The following DOK6 variants were observed in gnomAD, a reference collection of about 807,000 sequenced individuals.
DOK6 encodes docking protein 6.
DOK6 carries 22 observed loss-of-function variants against 44.0 expected under a neutral mutation model. The observed-to-expected ratio is 0.50, with a 90% CI of 0.36 to 0.71. The LOEUF is 0.71. Ranked by LOEUF, DOK6 falls within the 30% of genes least tolerant of loss-of-function variation. DOK6 has a pLI of 0.00. For missense variants in DOK6, 340 were observed against 416.4 expected (o/e 0.82, Z 1.60); for synonymous variants, 166 against 145.5 (o/e 1.14, Z -1.01).
intron 1 of DOK6, among the ~76,000 whole-genome samples, chr18:69,464,708 G>A (rs911478133): frequency 6.6e-6 from 1 of 152,174 alleles, no homozygotes; most frequent in African/African-American, 2.4e-5. Context: ...TGCGCTAATT[G>A]TGAAGAAAGT....
chr18:69,625,356 G>A (rs1194546046), intron 3 of DOK6, among the ~76,000 whole-genome samples: 1 of 152,126 alleles, frequency 6.6e-6, no homozygotes, highest in Non-Finnish European at 1.5e-5. Context: ...GTTTGCTTAG[G>A]TTCTCTGGTG....
intron 7 of DOK6, among the ~76,000 whole-genome samples, chr18:69,832,207 C>T (rs1981920048): frequency 6.6e-6 from 1 of 152,138 alleles, no homozygotes; most frequent in Non-Finnish European, 1.5e-5. Flanking sequence ...TATGTTCCCT[C>T]TATACCCAAT....
chr18:69,706,194 G>A (rs1986629715), intron 5 of DOK6, among the ~76,000 whole-genome samples: 1 of 152,222 alleles, frequency 6.6e-6, no homozygotes, highest in African/African-American at 2.4e-5. Context: ...GCAAGTTGGA[G>A]AGAAGTAGCA....
At chr18:69,638,971 C>A (rs1203465847) in intron 3 of DOK6, among the ~76,000 whole-genome samples, 12 of 152,072 alleles carry the variant, frequency 7.9e-5, no homozygotes, top group Admixed American at 7.9e-4. Flanking sequence ...TATTTATAAT[C>A]CTGGGAGGTC....
intron 5 of DOK6, among the ~76,000 whole-genome samples, chr18:69,698,932 A>G (rs1004122041): frequency 3.9e-5 from 6 of 152,344 alleles, no homozygotes; most frequent in African/African-American, 1.4e-4. Context: ...AAGGACCTCC[A>G]TAAAATTAAA....
chr18:69,659,355 A>G (rs1985450395), intron 3 of DOK6, among the ~76,000 whole-genome samples: 1 of 152,222 alleles, frequency 6.6e-6, no homozygotes, highest in Non-Finnish European at 1.5e-5. Flanking sequence ...CCATTAGAAA[A>G]AGATAAAGTG....
chr18:69,670,024 C>A (rs757269757), intron 3 of DOK6, among the ~76,000 whole-genome samples: 1 of 152,202 alleles, frequency 6.6e-6, no homozygotes, highest in African/African-American at 2.4e-5. Flanking sequence ...AAAAGTCCAA[C>A]ACTGGTCCTC....
rs141507207 is a variant in DOK6 at position 69,572,122 on chromosome 18, A to G, written c.174+7528A>G. Among the ~76,000 whole-genome samples, 621 of 152,262 alleles carry G rather than the reference A, an allele frequency of 4.1e-3. 7 individuals are homozygous for G. Among genetic ancestry groups the G allele is most frequent in the African/African-American group, 0.014 (598 of 41,578 alleles). On this transcript the variant is annotated intron_variant, in intron 2 of 7. Transcript: ENST00000382713. ...CATATGCCAAGGAGCAATATGCAAA[A>G]GGGCTAAATAGATATCACAAAAGCA...
intron 1 of DOK6, among the ~76,000 whole-genome samples, chr18:69,488,654 C>T (rs1166946275): frequency 2.0e-5 from 3 of 152,140 alleles, no homozygotes; most frequent in South Asian, 2.1e-4. Context: ...GGGAACTGCC[C>T]TTTATAAAAC....
At chr18:69,694,277 G>C (rs1599267640) in intron 4 of DOK6, among the ~76,000 whole-genome samples, 1 of 151,472 alleles carries the variant, frequency 6.6e-6, no homozygotes, top group African/African-American at 2.4e-5. Context: ...GCCCTGTCTA[G>C]ACTCTCGTAG....
At chr18:69,472,915 C>T (rs368932230) in intron 1 of DOK6, among the ~76,000 whole-genome samples, 3 of 152,118 alleles carry the variant, frequency 2.0e-5, no homozygotes, top group South Asian at 2.1e-4. Context: ...TTGTATGTTT[C>T]GTTCTTATCC....
At chr18:69,721,256 A>G (rs1190154394) in intron 5 of DOK6, 1 of 152,198 alleles carries the variant, frequency 6.6e-6, no homozygotes, top group African/African-American at 2.4e-5. Context: ...CTGGCACATA[A>G]TAGGCCCCAA....
chr18:69,484,100 T>C (rs1367446524), intron 1 of DOK6, among the ~76,000 whole-genome samples: 1 of 152,006 alleles, frequency 6.6e-6, no homozygotes, highest in East Asian at 1.9e-4. Flanking sequence ...CTAATATATA[T>C]TGAATTATTG....
At chr18:69,730,183 G>T (rs1978355565) in intron 5 of DOK6, among the ~76,000 whole-genome samples, 1 of 152,204 alleles carries the variant, frequency 6.6e-6, no homozygotes. Context: ...GCAGGATCCT[G>T]GGTGGAAACC....
At chr18:69,694,058 C>CAAAAAAAAAAAAAAAAAAA (rs60662789) in intron 4 of DOK6, among the ~76,000 whole-genome samples, 21 of 62,004 alleles carry the variant, frequency 3.4e-4, no homozygotes, top group Admixed American at 2.2e-3. Context: ...GACTCCGTGT[C>CAAAAAAAAAAAAAAAAAAA]AAAAAAAAAA....
At chr18:69,695,489 A>T (rs1280634886) in intron 4 of DOK6, among the ~76,000 whole-genome samples, 1 of 152,256 alleles carries the variant, frequency 6.6e-6, no homozygotes, top group Non-Finnish European at 1.5e-5. Flanking sequence ...AATGGAGCCA[A>T]TTTTAACCAC....
intron 1 of DOK6, among the ~76,000 whole-genome samples, chr18:69,536,375 A>G (rs1982123000): frequency 6.6e-6 from 1 of 152,220 alleles, no homozygotes; most frequent in Non-Finnish European, 1.5e-5. Context: ...TATGACTGAT[A>G]AAACATAAAC....
At chr18:69,726,788 T>C (rs139740804) in intron 5 of DOK6, among the ~76,000 whole-genome samples, 6 of 151,904 alleles carry the variant, frequency 3.9e-5, no homozygotes, top group Non-Finnish European at 8.8e-5. Flanking sequence ...GGTTTCATGC[T>C]GTGTCCTCAC....
At chr18:69,505,796 C>T (rs912463359) in intron 1 of DOK6, among the ~76,000 whole-genome samples, 1 of 151,786 alleles carries the variant, frequency 6.6e-6, no homozygotes, top group Non-Finnish European at 1.5e-5. Flanking sequence ...CATGCCGGGC[C>T]CACACTCCCA....
Sources: gnomAD v4.1 joint callset for allele counts (sites outside exome capture counted in the v4.1 genomes callset) on GRCh38, gnomAD v4.1.1 for gene constraint, MANE v1.5 for transcripts, NCBI Gene and HGNC (gene_info 2026-07-23, HGNC 2026-07-21) for gene names.